Variants in GOLGA7B observed in about 807,000 individuals in gnomAD.
GOLGA7B encodes golgin subfamily A member 7B.
Under a neutral mutation model 21.5 loss-of-function variants are expected in GOLGA7B, and 17 were observed. The observed-to-expected ratio is 0.79, with a 90% CI of 0.54 to 1.19. The LOEUF (loss-of-function observed/expected upper bound fraction) is 1.19. Among genes scored for constraint, GOLGA7B ranks in the 50% most tolerant of loss-of-function variants. The pLI, the probability that GOLGA7B is intolerant of heterozygous loss-of-function variation, is 0.00. For missense variants in GOLGA7B, 169 were observed against 224.4 expected (o/e 0.75, Z 1.58); for synonymous variants, 87 against 84.0 (o/e 1.04, Z -0.19).
chr10:97,856,155 T>C (rs114344320), intron 1 of GOLGA7B, among the ~76,000 whole-genome samples: 6,008 of 152,294 alleles, frequency 0.039, 137 homozygotes, highest in African/African-American at 0.051. Context: ...TTGGTGGAGA[T>C]TGGGCTTCTA....
chr10:97,859,062 A>C (rs2049954326), intron 1 of GOLGA7B, among the ~76,000 whole-genome samples: 1 of 152,174 alleles, frequency 6.6e-6, no homozygotes, highest in South Asian at 2.1e-4. Flanking sequence ...GCTTGTTAAA[A>C]ATTTTTTTAG....
At position 97,863,744 on chromosome 10, in the gene GOLGA7B, C is replaced by G. The variant is rs571589844; in HGVS notation, c.139-186C>G. Among the ~76,000 whole-genome samples the G allele has an allele frequency of 3.9e-5, 6 of 152,272 alleles. No homozygotes were observed. In the East Asian group the frequency reaches 1.2e-3, roughly 29 times the overall value. On this transcript the variant is annotated intron_variant, in intron 2 of 4. Coordinates refer to ENST00000370602, the MANE Select transcript of GOLGA7B (RefSeq NM_001010917.3). ...AGTTGATGGCCAAGTCTGGACTGGC[C>G]CCCCCAGTCTCCTGACTCCCAGGCC...
chr10:97,864,046 C>T lies in GOLGA7B; in HGVS notation c.255C>T (p.Tyr85=). Reference sequence around the variant, plus strand: ...GCTGCCTGGCCTGCGCCACGGCCTACTTCATCTTCCTCTGCATGGAGACCC... The same window carrying T: ...GCTGCCTGGCCTGCGCCACGGCCTATTTCATCTTCCTCTGCATGGAGACCC... ...LEGCLACATA[Y]FIFLCMETHY... is the part of the protein sequence containing the mutation. The change falls in exon 3 of 5, where the codon TAC becomes TAT. Residue 85 remains tyrosine (Y), a synonymous_variant. Coordinates refer to ENST00000370602, the MANE Select transcript of GOLGA7B (RefSeq NM_001010917.3). The T allele has an allele frequency of 5.0e-6, 8 of 1,614,198 alleles. No individual in the cohort carries two copies. The highest frequency in any genetic ancestry group is 5.9e-6 in the Non-Finnish European group (7 of 1,180,018).
chr10:97,855,811 C>T (rs2049931713), intron 1 of GOLGA7B, among the ~76,000 whole-genome samples: 1 of 152,198 alleles, frequency 6.6e-6, no homozygotes, highest in African/African-American at 2.4e-5. Context: ...TAGTAGATAT[C>T]AAGGGGATTT....
chr10:97,862,175 T>A (rs1205362221), intron 2 of GOLGA7B, among the ~76,000 whole-genome samples: 1 of 152,236 alleles, frequency 6.6e-6, no homozygotes, highest in Non-Finnish European at 1.5e-5. Flanking sequence ...ACAAGTTTAC[T>A]TAGCAGTCAC....
At chr10:97,858,505 G>C (rs529900379) in intron 1 of GOLGA7B, among the ~76,000 whole-genome samples, 1 of 152,318 alleles carries the variant, frequency 6.6e-6, no homozygotes, top group Non-Finnish European at 1.5e-5. Context: ...GGGTGACTGA[G>C]GCTGGAGAGG....
chr10:97,854,616 A>G (rs888158308), intron 1 of GOLGA7B, among the ~76,000 whole-genome samples: 2 of 152,216 alleles, frequency 1.3e-5, no homozygotes, highest in African/African-American at 4.8e-5. Context: ...ATCTCTGGTC[A>G]CCCAGAGCCT....
chr10:97,850,901 T>C, intron 1 of GOLGA7B, among the ~76,000 whole-genome samples: 1 of 144,970 alleles, frequency 6.9e-6, no homozygotes, highest in Non-Finnish European at 1.5e-5. Flanking sequence ...AGATTTCCCC[T>C]CCATCTGATG....
intron 2 of GOLGA7B, among the ~76,000 whole-genome samples, chr10:97,861,385 G>A (rs1260326500): frequency 1.3e-5 from 2 of 152,230 alleles, no homozygotes; most frequent in Non-Finnish European, 2.9e-5. Context: ...AAAGCTTAGA[G>A]ACTCAAAGGA....
At position 97,870,571 on chromosome 10, in the gene GOLGA7B, G is replaced by A. The variant is rs1417977260; in HGVS notation, c.*4871G>A. 6.6e-6 allele frequency: 1 copy of A among 152,134 alleles called. No individual in the cohort carries two copies. The highest frequency in any genetic ancestry group is 2.4e-5 in the African/African-American group (1 of 41,438). 9.4% of individuals were successfully genotyped at this position (152,134 alleles called of 1,614,324 possible). ...AATTCACTGAGCTGTATACTTAAGA[G>A]CTGTGTATTTGTCTGTACTGGTGAT... On this transcript the variant is annotated 3_prime_UTR_variant, in exon 5 of 5. Coordinates refer to ENST00000370602, the MANE Select transcript of GOLGA7B (RefSeq NM_001010917.3).
At chr10:97,862,297 C>T (rs2049976179) in intron 2 of GOLGA7B, among the ~76,000 whole-genome samples, 1 of 152,188 alleles carries the variant, frequency 6.6e-6, no homozygotes, top group Non-Finnish European at 1.5e-5. Flanking sequence ...ACAGTTGACC[C>T]TTGCACAACA....
chr10:97,865,410 G>T, intron 4 of GOLGA7B, 180 bp from the exon 5 acceptor site: 2 of 1,046,118 alleles, frequency 1.9e-6, no homozygotes, highest in Non-Finnish European at 2.7e-6. Flanking sequence ...CTAATTGTTA[G>T]CTAAGTAATG....
rs2050028965 is a variant in GOLGA7B at position 97,866,673 on chromosome 10, C to T, written c.*973C>T. The T allele has an allele frequency of 2.0e-5, 3 of 152,240 alleles. No individual in the cohort carries two copies. 9.4% of individuals were successfully genotyped at this position (152,240 alleles called of 1,614,324 possible). ...ATGAATGTGGACACATTTATAAGCA[C>T]ACCTGTGTGTGTCTGAGTACATGTG... is the stretch of plus-strand genomic sequence containing the variant. On this transcript the variant is annotated 3_prime_UTR_variant, in exon 5 of 5. Transcript: ENST00000370602.
rs140483407 is a variant in GOLGA7B, at chr10:97,858,990, C to CTG, written c.13-451_13-450dup. ...ATGAATGAAAGTATGAAAGGTTCTT[C>CTG]TGTGTGTGTGTGTGTGTGCACGTGC... On this transcript the variant is annotated intron_variant, in intron 1 of 4. Transcript: ENST00000370602. 1.9e-3 allele frequency among the ~76,000 whole-genome samples: 282 copies of CTG among 151,244 alleles called. 3 individuals are homozygous for CTG. Among genetic ancestry groups the CTG allele is most frequent in the Non-Finnish European group, 2.8e-3 (187 of 67,674 alleles).
At chr10:97,860,154 A>G (rs2049961555) in intron 2 of GOLGA7B, among the ~76,000 whole-genome samples, 1 of 152,190 alleles carries the variant, frequency 6.6e-6, no homozygotes, top group Non-Finnish European at 1.5e-5. Flanking sequence ...TTATTTATTT[A>G]TAATTTTGTG....
rs1258907768 is a variant in GOLGA7B, at chr10:97,859,593, C to T, written c.138+10C>T. ...AGAGCTGGACAGCCGGGTAAGGATG[C>T]CTTTTTCTGCACTTGGAACCCAGGG... On this transcript the variant is annotated intron_variant, in intron 2 of 4. Transcript: ENST00000370602. 1.2e-6 allele frequency: 2 copies of T among 1,612,710 alleles called. No homozygotes were observed. Among genetic ancestry groups the T allele is most frequent in the Admixed American group, 3.3e-5 (2 of 59,858 alleles).
At chr10:97,865,308 C>T (rs2050006420) in intron 4 of GOLGA7B, 1 of 442,666 alleles carries the variant, frequency 2.3e-6, no homozygotes, top group Middle Eastern at 5.9e-4. Context: ...GGTCATTAGA[C>T]CCACTGGAAT....
chr10:97,854,863 G>A (rs1023831771), intron 1 of GOLGA7B, among the ~76,000 whole-genome samples: 1 of 152,220 alleles, frequency 6.6e-6, no homozygotes, highest in Admixed American at 6.5e-5. Flanking sequence ...GGTGATTCAA[G>A]GCAGTGATTC....
chr10:97,851,212 C>T (rs1045250420), intron 1 of GOLGA7B, among the ~76,000 whole-genome samples: 4 of 152,112 alleles, frequency 2.6e-5, no homozygotes, highest in African/African-American at 4.8e-5. Context: ...ATTTTTGGAG[C>T]GAAACTCAGG....
Sources: allele counts gnomAD v4.1 joint callset (sites outside exome capture counted in the v4.1 genomes callset), GRCh38; gene constraint gnomAD v4.1.1; transcripts MANE v1.5; gene names NCBI Gene and HGNC (gene_info 2026-07-23, HGNC 2026-07-21).